Variants in MRTFA observed in about 807,000 individuals in gnomAD.
MRTFA encodes the protein myocardin related transcription factor A, also known as myocardin-related transcription factor A.
MRTFA carries 20 observed loss-of-function variants against 83.5 expected under a neutral mutation model. The ratio of observed to expected loss-of-function variants is 0.24; its 90% CI spans 0.17 to 0.35. The LOEUF (loss-of-function observed/expected upper bound fraction) is 0.35. Among genes scored for constraint, MRTFA ranks in the 10% least tolerant of loss-of-function variants. MRTFA has a pLI of 1.00. For missense variants in MRTFA, 1,200 were observed against 1,224.7 expected (o/e 0.98, Z 0.30); for synonymous variants, 659 against 541.2 (o/e 1.22, Z -3.02).
At chr22:40,469,166 G>C (rs2053859299) in intron 3 of MRTFA, among the ~76,000 whole-genome samples, 1 of 152,186 alleles carries the variant, frequency 6.6e-6, no homozygotes, top group Admixed American at 6.5e-5. Context: ...GTAGAAATTA[G>C]TAAGGATATT....
intron 3 of MRTFA, among the ~76,000 whole-genome samples, chr22:40,477,502 T>C (rs1227389778): frequency 3.3e-5 from 5 of 152,138 alleles, no homozygotes; most frequent in Non-Finnish European, 7.3e-5. Flanking sequence ...TTTCTCACTA[T>C]AATTCAATTT....
At chr22:40,576,433 G>C (rs541555504) in intron 2 of MRTFA, among the ~76,000 whole-genome samples, 1 of 152,272 alleles carries the variant, frequency 6.6e-6, no homozygotes, top group Admixed American at 6.5e-5. Flanking sequence ...TAATAACTCA[G>C]TAACTTTTAA....
chr22:40,495,496 C>T (rs1013443110), intron 3 of MRTFA, among the ~76,000 whole-genome samples: 1 of 150,106 alleles, frequency 6.7e-6, no homozygotes, highest in Admixed American at 6.6e-5. Flanking sequence ...TGGGGGCTCA[C>T]ACCTGATATC....
At chr22:40,624,047 T>C (rs971413787) in intron 1 of MRTFA, among the ~76,000 whole-genome samples, 1 of 151,888 alleles carries the variant, frequency 6.6e-6, no homozygotes, top group Non-Finnish European at 1.5e-5. Flanking sequence ...AAGGCTGTAG[T>C]GAGCCATGTT....
At chr22:40,610,756 G>A (rs1025260972) in intron 1 of MRTFA, among the ~76,000 whole-genome samples, 6 of 151,618 alleles carry the variant, frequency 4.0e-5, no homozygotes, top group Admixed American at 6.6e-5. Flanking sequence ...TCAATTAGGC[G>A]CAACTACTAC....
intron 3 of MRTFA, among the ~76,000 whole-genome samples, chr22:40,492,958 G>C (rs568459879): frequency 1.3e-5 from 2 of 152,298 alleles, no homozygotes; most frequent in South Asian, 2.1e-4. Flanking sequence ...CCTTTAGAAA[G>C]ACAATATAGG....
At chr22:40,429,439 A>C (rs1457739253) in intron 7 of MRTFA, 167 bp downstream of exon 7, 2 of 773,802 alleles carry the variant, frequency 2.6e-6, no homozygotes, top group East Asian at 5.3e-5. Flanking sequence ...AGTTCATACA[A>C]CCTGTGCATG....
intron 2 of MRTFA, among the ~76,000 whole-genome samples, chr22:40,592,456 T>TA (rs1195055673): frequency 2.7e-3 from 353 of 132,040 alleles, no homozygotes; most frequent in Middle Eastern, 0.016. Context: ...TCTCTTAACT[T>TA]AAAAAAAAAA....
chr22:40,607,821 A>G (rs1200712399), intron 1 of MRTFA, among the ~76,000 whole-genome samples: 2 of 152,224 alleles, frequency 1.3e-5, no homozygotes, highest in African/African-American at 4.8e-5. Context: ...CCAATTGTTT[A>G]ACTTTTGAAA....
chr22:40,616,762 T>C (rs2056453262), intron 1 of MRTFA, among the ~76,000 whole-genome samples: 1 of 152,086 alleles, frequency 6.6e-6, no homozygotes, highest in Non-Finnish European at 1.5e-5. Context: ...TTGAGATGTC[T>C]GTGAGCCATC....
chr22:40,634,318 C>T (rs902876848), intron 1 of MRTFA, among the ~76,000 whole-genome samples: 7 of 152,186 alleles, frequency 4.6e-5, no homozygotes, highest in African/African-American at 1.7e-4. Flanking sequence ...AACTCGAACT[C>T]CTGGCCTCAA....
chr22:40,421,651 A>G (rs2052842564), intron 9 of MRTFA, among the ~76,000 whole-genome samples: 1 of 152,202 alleles, frequency 6.6e-6, no homozygotes, highest in African/African-American at 2.4e-5. Flanking sequence ...TCATGCCCCC[A>G]AAGACCTCCA....
At chr22:40,449,597 T>G (rs2053450047) in intron 4 of MRTFA, among the ~76,000 whole-genome samples, 1 of 152,236 alleles carries the variant, frequency 6.6e-6, no homozygotes, top group Admixed American at 6.5e-5. Flanking sequence ...ATTGCTTCCC[T>G]AATCTAACAA....
At chr22:40,444,653 G>A (rs2053342161) in intron 4 of MRTFA, among the ~76,000 whole-genome samples, 1 of 152,180 alleles carries the variant, frequency 6.6e-6, no homozygotes, top group Non-Finnish European at 1.5e-5. Context: ...TGCATCCTGA[G>A]ATCGACGTGT....
At chr22:40,461,308 T>C (rs2053707923) in intron 4 of MRTFA, among the ~76,000 whole-genome samples, 1 of 151,426 alleles carries the variant, frequency 6.6e-6, no homozygotes, top group Admixed American at 6.6e-5. Context: ...ACTATTGTGG[T>C]AGGTCCATTC....
chr22:40,626,754 C>CT (rs1396737960), intron 1 of MRTFA, among the ~76,000 whole-genome samples: 1 of 152,046 alleles, frequency 6.6e-6, no homozygotes, highest in Non-Finnish European at 1.5e-5. Flanking sequence ...AGTCCCAACA[C>CT]TTTGAGAGTT....
intron 1 of MRTFA, among the ~76,000 whole-genome samples, chr22:40,628,607 T>C (rs1431138253): frequency 6.6e-6 from 1 of 151,102 alleles, no homozygotes; most frequent in African/African-American, 2.4e-5. Context: ...TAAGAATGAG[T>C]GGGGAGCAAA....
chr22:40,494,634 T>A (rs2054321223), intron 3 of MRTFA, among the ~76,000 whole-genome samples: 1 of 150,886 alleles, frequency 6.6e-6, no homozygotes, highest in Non-Finnish European at 1.5e-5. Flanking sequence ...TGAGCCGAGA[T>A]CATGCCACTG....
At chr22:40,546,644 A>G (rs970386600) in intron 3 of MRTFA, among the ~76,000 whole-genome samples, 2 of 152,234 alleles carry the variant, frequency 1.3e-5, no homozygotes, top group Admixed American at 6.5e-5. Context: ...CAATGACTGT[A>G]AACTATTCTT....
Sources: gnomAD v4.1 joint callset for allele counts (sites outside exome capture counted in the v4.1 genomes callset) on GRCh38, gnomAD v4.1.1 for gene constraint, MANE v1.5 for transcripts, NCBI Gene and HGNC (gene_info 2026-07-23, HGNC 2026-07-21) for gene names.